RIPOR3: variants seen among roughly 807,000 people sequenced by gnomAD.
The protein encoded by RIPOR3 is RIPOR family member 3, also known as family with sequence similarity 65 member C.
In RIPOR3, 95 loss-of-function variants were observed where a neutral mutation model predicts 114.3. The observed-to-expected ratio is 0.83, with a 90% CI of 0.70 to 0.99. RIPOR3 has a LOEUF of 0.99. RIPOR3 is among the 50% of genes least tolerant of loss of function. The pLI is 0.00. For synonymous variants in RIPOR3, 575 were observed against 543.8 expected (o/e 1.06, Z -0.80); for missense variants, 1,252 against 1,266.9 (o/e 0.99, Z 0.18).
Position 50,597,698 on chromosome 20 carries a change from G to A in RIPOR3, c.1672C>T (p.Arg558Trp), listed in dbSNP as rs747005784. The change falls in exon 14 of 22, where the codon CGG becomes TGG. Residue 558 changes from arginine (R) to tryptophan (W), a missense_variant. Physicochemically the swap from Arg to Trp is moderately radical, Grantham distance 101 (BLOSUM62 -3). Coordinates refer to ENST00000327979, the MANE Select transcript of RIPOR3 (RefSeq NM_001290268.2). Reference protein sequence around the residue: ...FRDRLKPCRARQEHTSAESLM... With the variant: ...FRDRLKPCRAWQEHTSAESLM... Reference sequence around the variant, plus strand: ...CTCTCGGCCGAGGTGTGCTCCTGCCGTGCTCTGCAGGGCTGTGGACGAAGT... The same window carrying A: ...CTCTCGGCCGAGGTGTGCTCCTGCCATGCTCTGCAGGGCTGTGGACGAAGT... The A allele has an allele frequency of 3.8e-5, 62 of 1,612,200 alleles. No individual in the cohort carries two copies. The highest frequency in any genetic ancestry group is 3.3e-4 in the South Asian group (30 of 90,670).
intron 19 of RIPOR3, chr20:50,590,111 C>T (rs1438704672): frequency 3.4e-6 from 1 of 294,346 alleles, no homozygotes; most frequent in Non-Finnish European, 6.8e-6. Flanking sequence ...AAGAACTGAT[C>T]ATCCCATGTG....
intron 1 of RIPOR3, among the ~76,000 whole-genome samples, chr20:50,644,289 A>T (rs908742198): frequency 1.4e-5 from 2 of 147,640 alleles, no homozygotes; most frequent in Non-Finnish European, 3.0e-5. Flanking sequence ...AAAATTCTTA[A>T]GGCACATTTT....
chr20:50,591,987 C>T (rs982251563), intron 19 of RIPOR3, among the ~76,000 whole-genome samples: 5 of 152,144 alleles, frequency 3.3e-5, no homozygotes, highest in African/African-American at 7.2e-5. Context: ...CCCAGCTACT[C>T]AGGAGGCTGA....
intron 1 of RIPOR3, among the ~76,000 whole-genome samples, chr20:50,651,194 A>G (rs2085592047): frequency 6.7e-6 from 1 of 149,254 alleles, no homozygotes; most frequent in African/African-American, 2.6e-5. Context: ...TGGCCAATAC[A>G]GGAGGCCTCT....
At chr20:50,636,709 G>T in intron 1 of RIPOR3, 1 of 985,512 alleles carries the variant, frequency 1.0e-6, no homozygotes, top group Non-Finnish European at 1.2e-6. Context: ...GATGCTCCCA[G>T]ACACTGGGGA....
chr20:50,639,852 C>T (rs1248627468), intron 1 of RIPOR3, among the ~76,000 whole-genome samples: 1 of 152,026 alleles, frequency 6.6e-6, no homozygotes, highest in African/African-American at 2.4e-5. Context: ...ATGGGAGGGT[C>T]CCTGGACCTC....
At position 50,587,779 on chromosome 20, in the gene RIPOR3, GCA is replaced by G. The variant is rs549504616; in HGVS notation, c.2752+21_2752+22del. ...AGGGCCCCAGGCACCCCGCTGCGCT[GCA>G]CAGTTTGTGCCACTTTTTACCGAAC... is the stretch of plus-strand genomic sequence containing the variant. On this transcript the variant is annotated intron_variant, in intron 21 of 21. Coordinates refer to ENST00000327979, the MANE Select transcript of RIPOR3 (RefSeq NM_001290268.2). 1.1e-3 allele frequency: 1,813 copies of G among 1,612,924 alleles called. 3 individuals are homozygous for G. The highest frequency in any genetic ancestry group is 2.1e-3 in the South Asian group (194 of 91,012).
At chr20:50,615,360 CA>C (rs1224647196) in intron 4 of RIPOR3, among the ~76,000 whole-genome samples, 4 of 151,542 alleles carry the variant, frequency 2.6e-5, no homozygotes, top group African/African-American at 4.9e-5. Context: ...CCTGTATCTA[CA>C]AAAAATTTAA....
intron 16 of RIPOR3, chr20:50,595,066 G>C: frequency 4.1e-6 from 2 of 491,366 alleles, no homozygotes; most frequent in South Asian, 2.8e-5. Context: ...ATGTGGCCTG[G>C]GGTTACCTCA....
chr20:50,638,333 T>C (rs2085062655), intron 1 of RIPOR3, among the ~76,000 whole-genome samples: 1 of 152,176 alleles, frequency 6.6e-6, no homozygotes, highest in Non-Finnish European at 1.5e-5. Context: ...CGCAGAATAG[T>C]CAACAGCAGG....
chr20:50,607,557 C>T (rs527302332), intron 11 of RIPOR3, among the ~76,000 whole-genome samples: 130 of 152,294 alleles, frequency 8.5e-4, no homozygotes, highest in African/African-American at 2.7e-3. Context: ...TCTGCAGACC[C>T]GCAGGCACCC....
Position 50,594,651 on chromosome 20 carries a change from C to T in RIPOR3, c.2114G>A (p.Gly705Asp), listed in dbSNP as rs761165912. ...LKLWRGCTGP[G>D]RVLSCPATTL... ...CGTGGCAGGGCAGGACAGGACCCTG[C>T]CAGGCCCTGTGCACCCTCTCCACAG... Residue 705 changes from glycine (G) to aspartate (D), a missense_variant, in exon 17 of 22, where the codon GGC becomes GAC. By Grantham distance (94) the Gly-to-Asp change is moderately conservative. Transcript: ENST00000327979. The T allele has an allele frequency of 5.6e-6, 9 of 1,613,618 alleles. No individual in the cohort carries two copies. Among genetic ancestry groups the T allele is most frequent in the East Asian group, 2.2e-5 (1 of 44,870 alleles).
At chr20:50,651,359 G>A (rs1568925869) in intron 1 of RIPOR3, among the ~76,000 whole-genome samples, 2 of 152,194 alleles carry the variant, frequency 1.3e-5, no homozygotes, top group Non-Finnish European at 2.9e-5. Context: ...TCAGCCTTGC[G>A]ATGAGCAGAG....
intron 1 of RIPOR3, among the ~76,000 whole-genome samples, chr20:50,638,847 G>A (rs2085092942): frequency 6.6e-6 from 1 of 152,320 alleles, no homozygotes; most frequent in South Asian, 2.1e-4. Context: ...ACTGAGATGA[G>A]ATGAGAGCAT....
chr20:50,643,727 A>G (rs1457460750), intron 1 of RIPOR3, among the ~76,000 whole-genome samples: 1 of 134,322 alleles, frequency 7.4e-6, no homozygotes, highest in Non-Finnish European at 1.6e-5. Flanking sequence ...TTTTTTTGAG[A>G]TGGAGCCTCA....
chr20:50,626,349 A>G (rs1600617786), intron 2 of RIPOR3, among the ~76,000 whole-genome samples: 1 of 152,230 alleles, frequency 6.6e-6, no homozygotes, highest in East Asian at 1.9e-4. Context: ...ATCCTTGACA[A>G]TCAGATGGGG....
intron 20 of RIPOR3, among the ~76,000 whole-genome samples, chr20:50,588,574 C>G (rs149402875): frequency 9.5e-4 from 145 of 152,210 alleles, no homozygotes; most frequent in Admixed American, 3.7e-3. Context: ...AGAATTGGGT[C>G]TAGCCTAAGG....
chr20:50,632,053 T>C (rs2084837659), intron 1 of RIPOR3, among the ~76,000 whole-genome samples: 1 of 152,148 alleles, frequency 6.6e-6, no homozygotes. Flanking sequence ...ACTACACCTC[T>C]GCTCACTTGG....
At chr20:50,597,191 C>A (rs552728452) in intron 14 of RIPOR3, 1 of 173,892 alleles carries the variant, frequency 5.8e-6, no homozygotes, top group East Asian at 1.6e-4. Flanking sequence ...GTCTTGAACT[C>A]CTGACCTCAG....
Sources: allele counts gnomAD v4.1 joint callset (sites outside exome capture counted in the v4.1 genomes callset), GRCh38; gene constraint gnomAD v4.1.1; transcripts MANE v1.5; gene names NCBI Gene and HGNC (gene_info 2026-07-23, HGNC 2026-07-21).